CLHC1: variants seen among roughly 807,000 people sequenced by gnomAD.
CLHC1 encodes the protein clathrin heavy chain linker domain-containing protein 1.
Under a neutral mutation model 69.5 loss-of-function variants are expected in CLHC1, and 72 were observed. The ratio of observed to expected loss-of-function variants is 1.04; its 90% CI spans 0.86 to 1.26. The LOEUF is 1.26. Among genes scored for constraint, CLHC1 ranks in the 50% most tolerant of loss-of-function variants. The pLI is 0.00. For synonymous variants in CLHC1, 223 were observed against 224.3 expected (o/e 0.99, Z 0.05); for missense variants, 790 against 679.3 (o/e 1.16, Z -1.81).
intron 10 of CLHC1, 55 bp downstream of exon 10, chr2:55,181,511 GAACA>G: frequency 2.3e-6 from 3 of 1,298,380 alleles, no homozygotes; most frequent in Non-Finnish European, 3.3e-6. Flanking sequence ...AATATTTTTA[GAACA>G]AACAACTTTA....
intron 9 of CLHC1, among the ~76,000 whole-genome samples, chr2:55,185,853 A>G (rs1265989388): frequency 6.6e-6 from 1 of 152,202 alleles, no homozygotes; most frequent in African/African-American, 2.4e-5. Flanking sequence ...TGCTGTGAAC[A>G]TTATTTTATT....
In CLHC1 at chr2:55,175,717, G is replaced by A. The variant is rs368970180; in HGVS notation, c.*73C>T. The A allele has an allele frequency of 1.2e-4, 116 of 993,208 alleles. No homozygotes were observed. Among genetic ancestry groups the A allele is most frequent in the Middle Eastern group, 8.7e-4 (4 of 4,588 alleles). The allele number at this position is 993,208 out of a possible 1,614,324, so 61.5% of individuals were successfully genotyped here. Reference sequence around the variant, plus strand: ...CTAGATTTATTTATAAGTTAGTTACGTTAAAATCAGTTTTTCCCAACCAGC... The same window carrying A: ...CTAGATTTATTTATAAGTTAGTTACATTAAAATCAGTTTTTCCCAACCAGC... On this transcript the variant is annotated 3_prime_UTR_variant, in exon 13 of 13. Coordinates refer to ENST00000401408, the MANE Select transcript of CLHC1 (RefSeq NM_152385.4).
rs752612048 is a variant in CLHC1, at chr2:55,206,325, T to C, written c.951A>G (p.Ala317=). Residue 317 remains alanine (A), a synonymous_variant, in exon 9 of 13, where the codon GCA becomes GCG. Coordinates refer to ENST00000401408, the MANE Select transcript of CLHC1 (RefSeq NM_152385.4). ...LGEYEKAACY[A]ANSPRRILRN... Reference sequence around the variant, plus strand: ...GAAGAATTCTTCTAGGACTGTTTGCTGCATAACAAGCTGCCTTTTCATATT... The same window carrying C: ...GAAGAATTCTTCTAGGACTGTTTGCCGCATAACAAGCTGCCTTTTCATATT... 2 of 1,612,096 alleles carry C rather than the reference T, an allele frequency of 1.2e-6. No individual in the cohort carries two copies. The highest frequency in any genetic ancestry group is 1.3e-5 in the African/African-American group (1 of 75,008).
At chr2:55,207,091 GGC>G (rs1354011481) in intron 8 of CLHC1, among the ~76,000 whole-genome samples, 2 of 151,910 alleles carry the variant, frequency 1.3e-5, no homozygotes, top group Non-Finnish European at 2.9e-5. Flanking sequence ...CTCCAGCCTG[GGC>G]GACAGAGTGA....
intron 11 of CLHC1, 84 bp downstream of exon 11, chr2:55,180,426 T>G: frequency 1.0e-6 from 1 of 961,052 alleles, no homozygotes; most frequent in East Asian, 2.4e-5. Context: ...AACGTAAGTT[T>G]AAAGTAGTGC....
At chr2:55,218,875 G>C (rs1002700045) in intron 3 of CLHC1, among the ~76,000 whole-genome samples, 1 of 152,156 alleles carries the variant, frequency 6.6e-6, no homozygotes, top group Non-Finnish European at 1.5e-5. Flanking sequence ...TCAGAAAGCT[G>C]CAATTATGCT....
In CLHC1 at chr2:55,228,159, C is replaced by A. The variant is rs1304040567; in HGVS notation, c.-210G>T. On this transcript the variant is annotated 5_prime_UTR_variant, in exon 2 of 13. Transcript: ENST00000401408. Reference sequence around the variant, plus strand: ...CCATCATGGTATTATCCTTCCACCACACTGCCTTAGAGACTTCCTGTTTAT... The same window carrying A: ...CCATCATGGTATTATCCTTCCACCAAACTGCCTTAGAGACTTCCTGTTTAT... The A allele has an allele frequency of 6.6e-6, 1 of 152,250 alleles. No homozygotes were observed. Among genetic ancestry groups the A allele is most frequent in the East Asian group, 1.9e-4 (1 of 5,194 alleles). 9.4% of individuals were successfully genotyped at this position (152,250 alleles called of 1,614,324 possible).
intron 1 of CLHC1, among the ~76,000 whole-genome samples, chr2:55,231,700 T>C (rs6716121): frequency 0.076 from 11,535 of 152,212 alleles, 1,405 homozygotes; most frequent in African/African-American, 0.26. Context: ...TTGCTTCTAA[T>C]TGGCCTCCTT....
Position 55,183,529 on chromosome 2 carries a change from G to A in CLHC1, c.1007-1785C>T, listed in dbSNP as rs548932336. Among the ~76,000 whole-genome samples the A allele has an allele frequency of 5.9e-5, 9 of 152,250 alleles. 1 individual carries two copies. Among genetic ancestry groups the A allele is most frequent in the Middle Eastern group, 3.4e-3 (1 of 294 alleles). On this transcript the variant is annotated intron_variant, in intron 9 of 12. Coordinates refer to ENST00000401408, the MANE Select transcript of CLHC1 (RefSeq NM_152385.4). ...GTATGAAATAAAAAATAGATTCTGC[G>A]TCCGATTGAGGGTCTACTAATGAAA...
chr2:55,176,890 A>T (rs1669438317), intron 12 of CLHC1, among the ~76,000 whole-genome samples: 2 of 151,764 alleles, frequency 1.3e-5, no homozygotes, highest in South Asian at 2.1e-4. Flanking sequence ...TCTCTCTCTC[A>T]TTTTTTTTGA....
chr2:55,176,255 T>A (rs778081950), intron 12 of CLHC1, among the ~76,000 whole-genome samples: 2 of 152,140 alleles, frequency 1.3e-5, no homozygotes, highest in South Asian at 4.1e-4. Context: ...TCTCCACTCA[T>A]CTCCTTCTTG....
rs192663524 is a variant in CLHC1 at position 55,222,085 on chromosome 2, C to T, written c.177+150G>A. 3.1e-4 allele frequency: 186 copies of T among 604,478 alleles called. 1 individual carries two copies. Among genetic ancestry groups the T allele is most frequent in the Non-Finnish European group, 1.4e-5 (5 of 351,056 alleles). The allele number at this position is 604,478 out of a possible 1,614,324, so 37.4% of individuals were successfully genotyped here. ...CAGAATTGCATTTTTCCCATTCATG[C>T]CTTTCTGAGAAATTGGATGAACTTC... On this transcript the variant is annotated intron_variant, in intron 3 of 12. Transcript: ENST00000401408.
chr2:55,206,231 AT>A, intron 9 of CLHC1, 38 bp downstream of exon 9: 1 of 1,210,210 alleles, frequency 8.3e-7, no homozygotes, highest in East Asian at 2.3e-5. Flanking sequence ...AAAGTAGTAA[AT>A]TTTCATACAT....
chr2:55,215,531 A>G (rs910333108), intron 4 of CLHC1, among the ~76,000 whole-genome samples: 1 of 152,194 alleles, frequency 6.6e-6, no homozygotes, highest in Admixed American at 6.5e-5. Context: ...TTGGCCCCAG[A>G]TAAACTGCAT....
chr2:55,187,403 A>C (rs1049562486), intron 9 of CLHC1, among the ~76,000 whole-genome samples: 8 of 152,170 alleles, frequency 5.3e-5, no homozygotes, highest in African/African-American at 1.9e-4. Context: ...ACTTGGACTC[A>C]GAGGTTCCAG....
intron 4 of CLHC1, 105 bp downstream of exon 4, chr2:55,217,706 A>G (rs1234316893): frequency 2.6e-5 from 16 of 623,942 alleles, no homozygotes; most frequent in Admixed American, 7.7e-5. Context: ...TTTAAATAAA[A>G]TTGAAATTCA....
intron 9 of CLHC1, among the ~76,000 whole-genome samples, chr2:55,199,876 T>G (rs1027610431): frequency 8.6e-5 from 13 of 150,712 alleles, no homozygotes; most frequent in African/African-American, 3.2e-4. Context: ...ATGACAGGAG[T>G]GAGTCCTTAC....
At chr2:55,196,125 C>T (rs1558471995) in intron 9 of CLHC1, among the ~76,000 whole-genome samples, 1 of 152,204 alleles carries the variant, frequency 6.6e-6, no homozygotes, top group Non-Finnish European at 1.5e-5. Flanking sequence ...AATTCTCATG[C>T]AGGAAGCACT....
At position 55,182,781 on chromosome 2, in the gene CLHC1, C is replaced by T. The variant is rs532953278; in HGVS notation, c.1007-1037G>A. 7.2e-5 allele frequency among the ~76,000 whole-genome samples: 11 copies of T among 151,934 alleles called. 1 individual carries two copies. Among genetic ancestry groups the T allele is most frequent in the African/African-American group, 1.9e-4 (8 of 41,248 alleles). ...AGGGTGAAGGAGATTCCATGAAAGG[C>T]GGGTAGGCTGGTTGTCTTGAAAAGG... On this transcript the variant is annotated intron_variant, in intron 9 of 12. Coordinates refer to ENST00000401408, the MANE Select transcript of CLHC1 (RefSeq NM_152385.4).
Sources: gnomAD v4.1 joint callset for allele counts (sites outside exome capture counted in the v4.1 genomes callset) on GRCh38, gnomAD v4.1.1 for gene constraint, MANE v1.5 for transcripts, NCBI Gene and HGNC (gene_info 2026-07-23, HGNC 2026-07-21) for gene names.